The following NAV2 variants were observed in gnomAD, a reference collection of about 807,000 sequenced individuals.
The protein encoded by NAV2 is helicase, APC down-regulated 1.
In NAV2, 54 loss-of-function variants were observed where a neutral mutation model predicts 223.2. The observed-to-expected ratio is 0.24, with a 90% CI of 0.19 to 0.30. The LOEUF is 0.30. NAV2 is among the 10% of genes least tolerant of loss of function. The pLI, the probability that NAV2 is intolerant of heterozygous loss-of-function variation, is 1.00. For synonymous variants in NAV2, 1,279 were observed against 1,239.3 expected (o/e 1.03, Z -0.67); for missense variants, 2,806 against 3,147.5 (o/e 0.89, Z 2.60).
intron 24 of NAV2, 126 bp downstream of exon 24, chr11:20,078,230 A>G (rs7121304): frequency 0.89 from 641,185 of 717,160 alleles, 287,353 homozygotes; most frequent in East Asian, 0.97. Context: ...CATGTCAGGC[A>G]AGCAGGAACT....
chr11:19,769,897 C>T (rs2055569128), intron 1 of NAV2, among the ~76,000 whole-genome samples: 1 of 152,074 alleles, frequency 6.6e-6, no homozygotes, highest in South Asian at 2.1e-4. Context: ...AGACCACAGC[C>T]CTTTGGGAAA....
At chr11:19,616,947 T>C (rs576207199) in intron 1 of NAV2, among the ~76,000 whole-genome samples, 3 of 152,000 alleles carry the variant, frequency 2.0e-5, no homozygotes, top group South Asian at 2.1e-4. Context: ...ACAGGGAAAA[T>C]TACTTACCCT....
chr11:19,699,282 G>T (rs10734278), intron 1 of NAV2, among the ~76,000 whole-genome samples: 98,568 of 151,722 alleles, frequency 0.65, 36,796 homozygotes, highest in Non-Finnish European at 0.82. Flanking sequence ...TTCTTCGTCT[G>T]TAAAAGAGGG....
chr11:19,712,177 C>G (rs1024376534), upstream of NAV2: 1 of 152,148 alleles, frequency 6.6e-6, no homozygotes, highest in African/African-American at 2.4e-5. Context: ...GTCATGGAGC[C>G]TCTCCCGGCT....
intron 11 of NAV2, among the ~76,000 whole-genome samples, chr11:20,003,336 G>A (rs1186293013): frequency 6.6e-6 from 1 of 152,156 alleles, no homozygotes; most frequent in African/African-American, 2.4e-5. Context: ...CATTTATGAG[G>A]GGAAAAACTA....
chr11:19,419,701 C>T (rs1184211537), intron 1 of NAV2, among the ~76,000 whole-genome samples: 1 of 152,108 alleles, frequency 6.6e-6, no homozygotes, highest in Non-Finnish European at 1.5e-5. Flanking sequence ...AACCAGTCCA[C>T]CATAATGAAA....
chr11:19,395,058 G>A (rs1335812275), intron 1 of NAV2, among the ~76,000 whole-genome samples: 1 of 152,196 alleles, frequency 6.6e-6, no homozygotes, highest in Non-Finnish European at 1.5e-5. Context: ...TCCAGGTGGG[G>A]ACAGCTTTGG....
At chr11:19,576,472 C>A (rs2045574277) in intron 1 of NAV2, among the ~76,000 whole-genome samples, 1 of 152,022 alleles carries the variant, frequency 6.6e-6, no homozygotes. Context: ...ACAAATCACC[C>A]ATAATTCCAC....
At chr11:20,019,073 A>G (rs1445964487) in intron 11 of NAV2, among the ~76,000 whole-genome samples, 1 of 152,224 alleles carries the variant, frequency 6.6e-6, no homozygotes, top group Non-Finnish European at 1.5e-5. Flanking sequence ...GGAAGCTATC[A>G]GTGGGCTTTA....
intron 11 of NAV2, among the ~76,000 whole-genome samples, chr11:20,002,367 T>C (rs2052630496): frequency 6.6e-6 from 1 of 152,044 alleles, no homozygotes; most frequent in Non-Finnish European, 1.5e-5. Context: ...TTTTCAAAGA[T>C]CCCAAAGCCC....
rs1554902313 is a variant in NAV2, at chr11:20,023,699, G to GGGGTGT, written c.2769-12259_2769-12258insGGTGTG. On this transcript the variant is annotated intron_variant, in intron 11 of 37. Transcript: ENST00000349880. Reference sequence around the variant, plus strand: ...GTTGTGTTTATACAGCAAATTGCTGGGTGTGTGTGTGTGTGTGTGTGTGTG... The same window carrying GGGGTGT: ...GTTGTGTTTATACAGCAAATTGCTGGGGGTGTGTGTGTGTGTGTGTGTGTGTGTGTG... 8.9e-3 allele frequency among the ~76,000 whole-genome samples: 1,293 copies of GGGGTGT among 144,660 alleles called. 13 individuals carry two copies. The highest frequency in any genetic ancestry group is 0.048 in the East Asian group (233 of 4,830). 94.9% of individuals were successfully genotyped at this position (144,660 alleles called of 152,430 possible). A position where few individuals can be genotyped will look rare whatever the true frequency, so the allele number is the denominator to read the frequency against.
At chr11:19,529,059 C>A (rs71488714) in intron 1 of NAV2, among the ~76,000 whole-genome samples, 1 of 152,008 alleles carries the variant, frequency 6.6e-6, no homozygotes, top group Non-Finnish European at 1.5e-5. Context: ...TTGGCACGTG[C>A]GTGCACACAC....
At chr11:19,678,953 T>A (rs2048799117) in intron 1 of NAV2, among the ~76,000 whole-genome samples, 1 of 152,264 alleles carries the variant, frequency 6.6e-6, no homozygotes. Context: ...CCAGATCAGC[T>A]GTGGCATCTG....
intron 1 of NAV2, among the ~76,000 whole-genome samples, chr11:19,550,756 C>A (rs900425069): frequency 6.6e-6 from 1 of 152,140 alleles, no homozygotes; most frequent in Non-Finnish European, 1.5e-5. Flanking sequence ...GGACACTGGA[C>A]CAAATTGAGG....
intron 1 of NAV2, among the ~76,000 whole-genome samples, chr11:19,482,411 T>C (rs758007953): frequency 2.0e-5 from 3 of 152,162 alleles, no homozygotes; most frequent in Non-Finnish European, 4.4e-5. Context: ...TGGACCATAA[T>C]GAATGTTCTA....
At chr11:19,401,221 T>C (rs1243202488) in intron 1 of NAV2, among the ~76,000 whole-genome samples, 4 of 152,238 alleles carry the variant, frequency 2.6e-5, no homozygotes, top group Admixed American at 1.3e-4. Context: ...AAGATACTTA[T>C]AATATTAAGT....
chr11:19,984,145 T>G lies in NAV2; in HGVS notation c.2666T>G (p.Leu889Arg). The G allele has an allele frequency of 6.2e-7, 1 of 1,614,186 alleles. No homozygotes were observed. Among genetic ancestry groups the G allele is most frequent in the Non-Finnish European group, 8.5e-7 (1 of 1,180,020 alleles). ...TAAAGATACATGACTGATGGTGGAC[T>G]TGGCCTCTATACCCGTCGCCTGAAC... is the stretch of plus-strand genomic sequence containing the variant. ...ITSGYMTDGG[L>R]GLYTRRLNRL... The change falls in exon 11 of 38, where the codon CTT becomes CGT. Residue 889 changes from leucine (L) to arginine (R), a missense_variant. Leu to Arg is a moderately radical substitution (Grantham distance 102). Coordinates refer to ENST00000349880, the MANE Select transcript of NAV2 (RefSeq NM_145117.5).
intron 37 of NAV2, among the ~76,000 whole-genome samples, chr11:20,117,061 A>G (rs961997664): frequency 6.6e-6 from 1 of 152,200 alleles, no homozygotes; most frequent in East Asian, 1.9e-4. Context: ...GCATCTGGGT[A>G]GACTCTGCAA....
In NAV2 at chr11:19,949,015, C is replaced by G; in HGVS notation, c.2580C>G (p.Ala860=). 6.2e-7 allele frequency: 1 copy of G among 1,613,848 alleles called. No homozygotes were observed. Among genetic ancestry groups the G allele is most frequent in the Non-Finnish European group, 8.5e-7 (1 of 1,179,804 alleles). The change falls in exon 10 of 38, where the codon GCC becomes GCG. Residue 860 remains alanine (A), a synonymous_variant. Coordinates refer to ENST00000349880, the MANE Select transcript of NAV2 (RefSeq NM_145117.5). Reference sequence around the variant, plus strand: ...ACCTGGAAGGCATCAGCATGGATGCCCCCGGCTACATGAGCGACGGGGATG... The same window carrying G: ...ACCTGGAAGGCATCAGCATGGATGCGCCCGGCTACATGAGCGACGGGGATG... ...EMDLEGISMD[A]PGYMSDGDVL... is the part of the protein sequence containing the mutation.
Sources: allele counts gnomAD v4.1 joint callset (sites outside exome capture counted in the v4.1 genomes callset), GRCh38; gene constraint gnomAD v4.1.1; transcripts MANE v1.5; gene names NCBI Gene and HGNC (gene_info 2026-07-23, HGNC 2026-07-21).